Variants in LRP1B observed in about 807,000 individuals in gnomAD.
The protein encoded by LRP1B is LDL receptor related protein 1B, also known as low-density lipoprotein receptor-related protein 1B.
Under a neutral mutation model 556.6 loss-of-function variants are expected in LRP1B, and 217 were observed. The observed-to-expected ratio is 0.39, with a 90% CI of 0.35 to 0.44. The LOEUF (loss-of-function observed/expected upper bound fraction) is 0.44. Among genes scored for constraint, LRP1B ranks in the 20% least tolerant of loss-of-function variants. The pLI, the probability that LRP1B is intolerant of heterozygous loss-of-function variation, is 1.00. For synonymous variants in LRP1B, 2,047 were observed against 1,865.8 expected (o/e 1.10, Z -2.50); for missense variants, 5,053 against 5,620.8 (o/e 0.90, Z 3.23).
intron 13 of LRP1B, 134 bp from the exon 14 acceptor site, chr2:141,013,879 T>C (rs1422654235): frequency 3.9e-6 from 2 of 512,592 alleles, no homozygotes; most frequent in Non-Finnish European, 3.2e-6. Context: ...CTGATAGATT[T>C]AAAAAATGGA....
chr2:140,847,411 C>T (rs1692304819), intron 29 of LRP1B, among the ~76,000 whole-genome samples: 1 of 152,118 alleles, frequency 6.6e-6, no homozygotes, highest in Non-Finnish European at 1.5e-5. Context: ...ACAGATACAT[C>T]CCTCTCATTC....
At chr2:140,422,557 C>A (rs1573919764) in intron 66 of LRP1B, among the ~76,000 whole-genome samples, 2 of 152,000 alleles carry the variant, frequency 1.3e-5, no homozygotes, top group Middle Eastern at 6.8e-3. Flanking sequence ...AGAGATGAAA[C>A]AAAATGGAAT....
intron 17 of LRP1B, among the ~76,000 whole-genome samples, chr2:140,986,943 C>T (rs1248918445): frequency 6.6e-6 from 1 of 152,120 alleles, no homozygotes; most frequent in Non-Finnish European, 1.5e-5. Flanking sequence ...GATTCAATAA[C>T]AAAGTAACTT....
chr2:141,642,085 T>A (rs149531958), intron 2 of LRP1B, among the ~76,000 whole-genome samples: 4 of 152,266 alleles, frequency 2.6e-5, no homozygotes, highest in African/African-American at 9.6e-5. Flanking sequence ...TATATGACCG[T>A]AGATTTAACG....
chr2:140,833,878 A>G (rs1484148594), intron 31 of LRP1B, among the ~76,000 whole-genome samples: 1 of 152,220 alleles, frequency 6.6e-6, no homozygotes, highest in Non-Finnish European at 1.5e-5. Flanking sequence ...AATTTTATAA[A>G]TGAGAATCAA....
rs192657833 is a variant in LRP1B at position 141,270,545 on chromosome 2, T to C, written c.344-15904A>G. Among the ~76,000 whole-genome samples the C allele has an allele frequency of 6.2e-3, 948 of 152,190 alleles. 5 individuals carry two copies. The highest frequency in any genetic ancestry group is 0.01 in the Non-Finnish European group (684 of 67,922). ...ACAAATTCACCACCCAAATGTCTAC[T>C]GACAGATGAATGAATTAACATAATA... On this transcript the variant is annotated intron_variant, in intron 3 of 90. Coordinates refer to ENST00000389484, the MANE Select transcript of LRP1B (RefSeq NM_018557.3).
intron 1 of LRP1B, among the ~76,000 whole-genome samples, chr2:142,003,017 G>A (rs1374922298): frequency 5.3e-5 from 8 of 152,126 alleles, no homozygotes; most frequent in Non-Finnish European, 7.4e-5. Flanking sequence ...AGTGATAAAC[G>A]TTTTAGTTAT....
At chr2:141,844,125 A>G (rs552752039) in intron 1 of LRP1B, among the ~76,000 whole-genome samples, 1 of 152,188 alleles carries the variant, frequency 6.6e-6, no homozygotes, top group East Asian at 1.9e-4. Context: ...CTCATTCTAT[A>G]CATCAGTTAG....
At chr2:141,688,363 T>A (rs569547230) in intron 2 of LRP1B, among the ~76,000 whole-genome samples, 1 of 152,026 alleles carries the variant, frequency 6.6e-6, no homozygotes, top group South Asian at 2.1e-4. Flanking sequence ...ACACATGTGA[T>A]CCTTACAACA....
rs565116401 is a variant in LRP1B at position 140,952,145 on chromosome 2, C to T, written c.2888-205G>A. On this transcript the variant is annotated intron_variant, in intron 18 of 90. Transcript: ENST00000389484. ...TTAATATACTTTAAATGAGTGCTTTCCAGTGACTGAAAGCCTAGGAGAATT... is the reference window on the plus strand; with the variant it reads ...TTAATATACTTTAAATGAGTGCTTTTCAGTGACTGAAAGCCTAGGAGAATT... Among the ~76,000 whole-genome samples the T allele has an allele frequency of 3.9e-5, 6 of 152,204 alleles. No homozygotes were observed. In the South Asian group the frequency reaches 1.0e-3, roughly 26 times the overall value.
chr2:140,648,835 C>A (rs1168058801), intron 41 of LRP1B, among the ~76,000 whole-genome samples: 1 of 152,078 alleles, frequency 6.6e-6, no homozygotes, highest in South Asian at 2.1e-4. Flanking sequence ...TAATGTGGAG[C>A]CTTTAAGCAG....
chr2:140,499,250 T>C (rs1386849684), intron 55 of LRP1B, among the ~76,000 whole-genome samples: 2 of 151,940 alleles, frequency 1.3e-5, no homozygotes, highest in Non-Finnish European at 2.9e-5. Context: ...CTAATACTTC[T>C]TATATGCAGG....
intron 27 of LRP1B, among the ~76,000 whole-genome samples, chr2:140,865,653 G>T (rs1262152344): frequency 2.0e-5 from 3 of 151,918 alleles, no homozygotes; most frequent in Admixed American, 2.0e-4. Flanking sequence ...CAAACTGACT[G>T]AATTTCATTT....
rs369945775 is a variant in LRP1B at position 140,551,245 on chromosome 2, G to A, written c.7195-9274C>T. On this transcript the variant is annotated intron_variant, in intron 43 of 90. Coordinates refer to ENST00000389484, the MANE Select transcript of LRP1B (RefSeq NM_018557.3). ...AAATATATATTTTTAAAATCAGTAT[G>A]AAGGACAGATTGCTTGCTATGAGAG... Among the ~76,000 whole-genome samples, 9 of 152,282 alleles carry A rather than the reference G, an allele frequency of 5.9e-5. No individual in the cohort carries two copies. In the East Asian group the frequency reaches 9.6e-4, roughly 16 times the overall value.
intron 2 of LRP1B, among the ~76,000 whole-genome samples, chr2:141,654,899 A>G (rs149362864): frequency 1.3e-5 from 2 of 152,178 alleles, no homozygotes; most frequent in Non-Finnish European, 2.9e-5. Flanking sequence ...TCTTGGTGTT[A>G]TAACAGTCGG....
At chr2:140,385,850 T>C in intron 67 of LRP1B, 43 bp downstream of exon 67, 1 of 1,332,700 alleles carries the variant, frequency 7.5e-7, no homozygotes, top group Non-Finnish European at 1.1e-6. Flanking sequence ...GCTTATTGAA[T>C]GGGCTGTCAA....
At chr2:140,329,179 C>T (rs753191581) in intron 79 of LRP1B, among the ~76,000 whole-genome samples, 2 of 152,028 alleles carry the variant, frequency 1.3e-5, no homozygotes, top group Non-Finnish European at 2.9e-5. Flanking sequence ...ATGGGTACCT[C>T]CCCTGTACCA....
At chr2:140,428,080 G>GCAAC (rs1685740648) in intron 66 of LRP1B, among the ~76,000 whole-genome samples, 1 of 151,986 alleles carries the variant, frequency 6.6e-6, no homozygotes, top group Admixed American at 6.6e-5. Context: ...TTGTTTGGCA[G>GCAAC]CAACCCTGAG....
intron 41 of LRP1B, among the ~76,000 whole-genome samples, chr2:140,608,079 T>G (rs563238572): frequency 6.6e-6 from 1 of 152,164 alleles, no homozygotes; most frequent in East Asian, 1.9e-4. Flanking sequence ...ATTAAAAATC[T>G]ACACTGTAAT....
Sources: allele counts gnomAD v4.1 joint callset (sites outside exome capture counted in the v4.1 genomes callset), GRCh38; gene constraint gnomAD v4.1.1; transcripts MANE v1.5; gene names NCBI Gene and HGNC (gene_info 2026-07-23, HGNC 2026-07-21).